Variants in NEMP2 observed in about 807,000 individuals in gnomAD.
NEMP2 encodes UPF0571 transmembrane protein.
A neutral mutation model predicts 54.2 loss-of-function variants in NEMP2; 53 were observed. That is an observed-to-expected ratio of 0.98 (90% confidence interval 0.78 to 1.23). NEMP2 has a LOEUF of 1.23. Among genes scored for constraint, NEMP2 ranks in the 50% most tolerant of loss-of-function variants. NEMP2 has a pLI of 0.00. For synonymous variants in NEMP2, 197 were observed against 190.3 expected (o/e 1.04, Z -0.29); for missense variants, 455 against 511.3 (o/e 0.89, Z 1.06).
the NEMP2 span, among the ~76,000 whole-genome samples, chr2:190,574,919 A>G: frequency 1.3e-5 from 2 of 150,350 alleles, no homozygotes; most frequent in Non-Finnish European, 3.0e-5. Context: ...CAGTGGTGCG[A>G]TCTCAGCTCA....
At chr2:190,597,424 T>G in the NEMP2 span, among the ~76,000 whole-genome samples, 3 of 152,132 alleles carry the variant, frequency 2.0e-5, no homozygotes, top group African/African-American at 7.2e-5. This position sits in a 1 kb window ranked among gnomAD's most constrained non-coding sequence, Gnocchi z 4.7. Flanking sequence ...CTCTTAGAGC[T>G]TGTGAATAAT....
chr2:190,442,044 A>G, the NEMP2 span, among the ~76,000 whole-genome samples: 1 of 152,248 alleles, frequency 6.6e-6, no homozygotes, highest in African/African-American at 2.4e-5. Context: ...TCAATTATTG[A>G]TTAAAAAGCA....
At chr2:190,435,795 C>T in the NEMP2 span, 11 of 505,574 alleles carry the variant, frequency 2.2e-5, no homozygotes, top group African/African-American at 3.8e-5. Flanking sequence ...AAAGAGTATT[C>T]GATTTTTTTA....
At chr2:190,474,805 C>G in the NEMP2 span, among the ~76,000 whole-genome samples, 1 of 152,114 alleles carries the variant, frequency 6.6e-6, no homozygotes, top group Non-Finnish European at 1.5e-5. Context: ...AAGATAGATG[C>G]AAAAATCCTC....
chr2:190,474,635 G>A, the NEMP2 span, among the ~76,000 whole-genome samples: 1 of 152,296 alleles, frequency 6.6e-6, no homozygotes, highest in Non-Finnish European at 1.5e-5. Flanking sequence ...TCGACCAGAG[G>A]TACAAGGAGG....
chr2:190,639,173 T>G, the NEMP2 span, among the ~76,000 whole-genome samples: 1 of 152,166 alleles, frequency 6.6e-6, no homozygotes, highest in East Asian at 1.9e-4. Flanking sequence ...TATTAACACA[T>G]TCAATTTTTT....
At chr2:190,553,672 G>A in the NEMP2 span, among the ~76,000 whole-genome samples, 5 of 152,208 alleles carry the variant, frequency 3.3e-5, no homozygotes, top group Non-Finnish European at 1.5e-5. Context: ...GCGTGTTGCT[G>A]AACATGAGTA....
chr2:190,446,233 A>G, the NEMP2 span, among the ~76,000 whole-genome samples: 2 of 152,216 alleles, frequency 1.3e-5, no homozygotes, highest in African/African-American at 2.4e-5. Flanking sequence ...TAATAATCAT[A>G]GAATTATTAC....
intron 1 of NEMP2, chr2:190,534,013 T>A (rs1691259555): frequency 4.1e-6 from 4 of 984,566 alleles, no homozygotes; most frequent in Non-Finnish European, 4.8e-6. Context: ...CCTCATTACC[T>A]GCCGCTCACG....
At chr2:190,552,254 T>C in the NEMP2 span, among the ~76,000 whole-genome samples, 11 of 152,224 alleles carry the variant, frequency 7.2e-5, no homozygotes, top group Non-Finnish European at 1.3e-4. Flanking sequence ...AATTCAGGTC[T>C]TGTGGCTGTT....
the NEMP2 span, among the ~76,000 whole-genome samples, chr2:190,423,823 A>AAC: frequency 2.6e-5 from 4 of 152,282 alleles, no homozygotes; most frequent in East Asian, 5.8e-4. This position sits in a 1 kb window ranked among gnomAD's most constrained non-coding sequence, Gnocchi z 4.3. Context: ...TTTTTATTTT[A>AAC]ACCATTCTTA....
At chr2:190,464,431 G>A in the NEMP2 span, among the ~76,000 whole-genome samples, 3 of 152,084 alleles carry the variant, frequency 2.0e-5, no homozygotes, top group Non-Finnish European at 2.9e-5. Context: ...TTTCTTTGCT[G>A]CTCACACCCT....
In NEMP2 at chr2:190,533,215, T is replaced by C. The variant is rs1403800741; in HGVS notation, c.97+1344A>G. On this transcript the variant is annotated intron_variant, in intron 1 of 8. Coordinates refer to ENST00000409150, the MANE Select transcript of NEMP2 (RefSeq NM_001142645.2). The surrounding 1 kb of genome is among the most constrained non-coding windows in gnomAD (Gnocchi z 4.3). ...CACAAGTTGTGGCTGAAGGAATGAG[T>C]GGTCTAGAACCCAAGGTGCTGGGTG... Among the ~76,000 whole-genome samples the C allele has an allele frequency of 6.6e-6, 1 of 152,150 alleles. No individual in the cohort carries two copies. Among genetic ancestry groups the C allele is most frequent in the Admixed American group, 6.5e-5 (1 of 15,278 alleles).
the NEMP2 span, among the ~76,000 whole-genome samples, chr2:190,447,084 C>T: frequency 2.8e-5 from 4 of 142,360 alleles, no homozygotes; most frequent in Non-Finnish European, 4.9e-5. This position sits in a 1 kb window ranked among gnomAD's most constrained non-coding sequence, Gnocchi z 4.5. Context: ...GATTCATAGG[C>T]TCAGTAAAAA....
At chr2:190,599,783 A>T in the NEMP2 span, among the ~76,000 whole-genome samples, 4 of 152,156 alleles carry the variant, frequency 2.6e-5, no homozygotes, top group Admixed American at 6.5e-5. Context: ...CAGGGATGAC[A>T]AAGATGGCAC....
At chr2:190,608,243 TC>T in the NEMP2 span, 2 of 152,072 alleles carry the variant, frequency 1.3e-5, no homozygotes, top group Non-Finnish European at 2.9e-5. This position sits in a 1 kb window ranked among gnomAD's most constrained non-coding sequence, Gnocchi z 4.9. Context: ...TTAATAATGG[TC>T]CCAATGTGCG....
At chr2:190,608,891 A>C in the NEMP2 span, 1 of 152,170 alleles carries the variant, frequency 6.6e-6, no homozygotes, top group African/African-American at 2.4e-5. This position sits in a 1 kb window ranked among gnomAD's most constrained non-coding sequence, Gnocchi z 4.9. Flanking sequence ...ATTTTATCAG[A>C]GGTACGTATG....
At chr2:190,548,351 T>C in the NEMP2 span, among the ~76,000 whole-genome samples, 1 of 152,348 alleles carries the variant, frequency 6.6e-6, no homozygotes, top group Admixed American at 6.5e-5. Flanking sequence ...AGGAAAATTT[T>C]ATACCCTGAG....
chr2:190,541,424 T>C, the NEMP2 span, among the ~76,000 whole-genome samples: 160 of 152,318 alleles, frequency 1.1e-3, no homozygotes, highest in African/African-American at 3.7e-3. The surrounding 1 kb of genome is among the most constrained non-coding windows in gnomAD (Gnocchi z 5.2). Flanking sequence ...TTTGGTATGT[T>C]GTATTTGTAC....
Sources: allele counts gnomAD v4.1 joint callset (sites outside exome capture counted in the v4.1 genomes callset), GRCh38; gene constraint gnomAD v4.1.1; non-coding constraint Gnocchi (gnomAD v3.1); transcripts MANE v1.5; gene names NCBI Gene and HGNC (gene_info 2026-07-23, HGNC 2026-07-21).